Variants in UGT1A10 observed in about 807,000 individuals in gnomAD.
The protein encoded by UGT1A10 is UDP glucuronosyltransferase family 1 member A10.
Under a neutral mutation model 45.8 loss-of-function variants are expected in UGT1A10, and 49 were observed. The observed-to-expected ratio is 1.07, with a 90% CI of 0.85 to 1.36. UGT1A10 has a LOEUF of 1.36. UGT1A10 is among the 40% of genes most tolerant of loss of function. The probability of loss-of-function intolerance (pLI) is 0.00; values close to 1 mark genes in which losing one functional copy is unlikely to be tolerated. For missense variants in UGT1A10, 745 were observed against 668.6 expected (o/e 1.11, Z -1.26); for synonymous variants, 284 against 249.7 (o/e 1.14, Z -1.29).
At chr2:233,732,140 G>A (rs1172524883) in intron 1 of UGT1A10, among the ~76,000 whole-genome samples, 1 of 135,546 alleles carries the variant, frequency 7.4e-6, no homozygotes, top group African/African-American at 2.8e-5. Flanking sequence ...TTGTTTGTTT[G>A]TTTTTTTTCT....
At chr2:233,672,078 C>T in intron 1 of UGT1A10, 1 of 1,614,116 alleles carries the variant, frequency 6.2e-7, no homozygotes. Flanking sequence ...TGGAGAAACT[C>T]ATTCTCAGGG....
At chr2:233,747,014 C>T (rs774665109) in intron 1 of UGT1A10, among the ~76,000 whole-genome samples, 7 of 151,838 alleles carry the variant, frequency 4.6e-5, no homozygotes, top group Non-Finnish European at 1.0e-4. Context: ...TAGGAGTGAT[C>T]GGTCTTTCCC....
At chr2:233,721,763 T>A in intron 1 of UGT1A10, 1 of 476,760 alleles carries the variant, frequency 2.1e-6, no homozygotes, top group African/African-American at 2.0e-5. Context: ...TCTAAATTGT[T>A]ATATTTAGCA....
At chr2:233,726,270 A>G (rs6711351) in intron 1 of UGT1A10, among the ~76,000 whole-genome samples, 81,704 of 152,100 alleles carry the variant, frequency 0.54, 23,602 homozygotes, top group African/African-American at 0.76. Context: ...GCATGCGCCT[A>G]TGGTCCCAGG....
intron 1 of UGT1A10, chr2:233,682,575 A>T: frequency 6.2e-7 from 1 of 1,613,882 alleles, no homozygotes; most frequent in South Asian, 1.1e-5. Context: ...CACATCATGC[A>T]CTTGGAGGAA....
intron 1 of UGT1A10, among the ~76,000 whole-genome samples, chr2:233,738,477 G>C (rs971989724): frequency 6.6e-6 from 1 of 152,224 alleles, no homozygotes; most frequent in African/African-American, 2.4e-5. Context: ...GAACTTCCTG[G>C]AGACTTGTTG....
chr2:233,658,988 T>C (rs1270913067), intron 1 of UGT1A10, among the ~76,000 whole-genome samples: 1 of 152,214 alleles, frequency 6.6e-6, no homozygotes, highest in Non-Finnish European at 1.5e-5. Flanking sequence ...AAAAAGCCTG[T>C]TGGGATTTTG....
At chr2:233,753,552 A>G (rs1695233420) in intron 1 of UGT1A10, 1 of 152,146 alleles carries the variant, frequency 6.6e-6, no homozygotes, top group African/African-American at 2.4e-5. Context: ...CTCAGAGGTG[A>G]CCCTAGAAGA....
chr2:233,682,738 C>T, intron 1 of UGT1A10: 1 of 1,613,880 alleles, frequency 6.2e-7, no homozygotes, highest in Non-Finnish European at 8.5e-7. Context: ...CCGTGATGCC[C>T]AATATGATCT....
intron 1 of UGT1A10, chr2:233,693,647 A>C: frequency 6.2e-7 from 1 of 1,614,186 alleles, no homozygotes. Context: ...CTTCCTTGTT[A>C]ATTTGTTGGA....
At chr2:233,648,902 T>C in intron 1 of UGT1A10, 1 of 1,339,252 alleles carries the variant, frequency 7.5e-7, no homozygotes, top group Non-Finnish European at 1.1e-6. Flanking sequence ...GCATATGATC[T>C]CTACAGCCAC....
At chr2:233,717,540 G>T (rs1338112101) in intron 1 of UGT1A10, among the ~76,000 whole-genome samples, 1 of 152,252 alleles carries the variant, frequency 6.6e-6, no homozygotes, top group African/African-American at 2.4e-5. Context: ...GGAAGCCTCA[G>T]CCTCACCAGC....
rs898515566 is a variant in UGT1A10 at position 233,648,786 on chromosome 2, G to T, written c.855+11409G>T. On this transcript the variant is annotated intron_variant, in intron 1 of 4. Transcript: ENST00000344644. ...GCCTGGATGCCATGACTTTTAAGGAGAGAGTAAGGAACCACATCTTCTACT... is the reference window on the plus strand; with the variant it reads ...GCCTGGATGCCATGACTTTTAAGGATAGAGTAAGGAACCACATCTTCTACT... 44 of 864,546 alleles carry T rather than the reference G, an allele frequency of 5.1e-5. No individual in the cohort carries two copies. The Admixed American group carries it at 5.3e-4, about 10-fold the overall frequency. The allele number at this position is 864,546 out of a possible 1,614,324, so 53.6% of individuals were successfully genotyped here. A position where few individuals can be genotyped will look rare whatever the true frequency, so the allele number is the denominator to read the frequency against.
intron 2 of UGT1A10, 122 bp from the exon 3 acceptor site, chr2:233,767,727 T>A (rs28946890): frequency 6.4e-7 from 1 of 1,556,204 alleles, no homozygotes; most frequent in Non-Finnish European, 8.7e-7. Flanking sequence ...CAGTTACTGA[T>A]CCTCCCACTC....
intron 1 of UGT1A10, chr2:233,748,009 C>A: frequency 1.2e-6 from 2 of 1,613,492 alleles, no homozygotes; most frequent in Non-Finnish European, 1.7e-6. Flanking sequence ...ATGGATTACC[C>A]CAGGCCGATC....
At chr2:233,726,906 T>G (rs1286190236) in intron 1 of UGT1A10, among the ~76,000 whole-genome samples, 2 of 152,198 alleles carry the variant, frequency 1.3e-5, no homozygotes, top group Non-Finnish European at 2.9e-5. Flanking sequence ...TTCAATTATC[T>G]CCTTTTTTCC....
chr2:233,758,823 C>T (rs1559405168), intron 1 of UGT1A10, among the ~76,000 whole-genome samples: 1 of 152,154 alleles, frequency 6.6e-6, no homozygotes, highest in African/African-American at 2.4e-5. Flanking sequence ...GTATATCCCC[C>T]CCAAAAAGAG....
At chr2:233,731,645 T>A (rs910994370) in intron 1 of UGT1A10, among the ~76,000 whole-genome samples, 2 of 152,242 alleles carry the variant, frequency 1.3e-5, no homozygotes, top group Non-Finnish European at 2.9e-5. Context: ...TAGTATTCCA[T>A]GGTGTATATG....
chr2:233,648,021 G>A, intron 1 of UGT1A10: 1 of 1,600,004 alleles, frequency 6.2e-7, no homozygotes, highest in Non-Finnish European at 8.5e-7. Context: ...GGCCAGAGGT[G>A]AGTTGGCAAC....
Sources: gnomAD v4.1 joint callset for allele counts (sites outside exome capture counted in the v4.1 genomes callset) on GRCh38, gnomAD v4.1.1 for gene constraint, MANE v1.5 for transcripts, NCBI Gene and HGNC (gene_info 2026-07-23, HGNC 2026-07-21) for gene names.